The following NCAPD2 variants were observed in gnomAD, a reference collection of about 807,000 sequenced individuals.
The protein encoded by NCAPD2 is non-SMC condensin I complex subunit D2.
A neutral mutation model predicts 164.5 loss-of-function variants in NCAPD2; 100 were observed. The observed-to-expected ratio is 0.61, with a 90% confidence interval of 0.52 to 0.72. The LOEUF is 0.72. Ranked by LOEUF, NCAPD2 falls within the 30% of genes least tolerant of loss-of-function variation. The pLI is 0.00. For missense variants in NCAPD2, 1,560 were observed against 1,749.2 expected (o/e 0.89, Z 1.93); for synonymous variants, 585 against 642.6 (o/e 0.91, Z 1.36).
At position 6,513,715 on chromosome 12, in the gene NCAPD2, C is replaced by CTTTT. The variant is rs71067124; in HGVS notation, c.588-535_588-532dup. Reference sequence around the variant, plus strand: ...AATGAGAAGTCATTGGTGACTTTGTCTTTTTTTTTTTTTTTTTTGTGATGG... The same window carrying CTTTT: ...AATGAGAAGTCATTGGTGACTTTGTCTTTTTTTTTTTTTTTTTTTTTTGTGATGG... On this transcript the variant is annotated intron_variant, in intron 6 of 31. Coordinates refer to ENST00000315579, the MANE Select transcript of NCAPD2 (RefSeq NM_014865.4). Among the ~76,000 whole-genome samples the CTTTT allele has an allele frequency of 9.2e-4, 69 of 74,880 alleles. 9 individuals carry two copies. Among genetic ancestry groups the CTTTT allele is most frequent in the East Asian group, 3.4e-3 (12 of 3,558 alleles). 49.1% of individuals were successfully genotyped at this position (74,880 alleles called of 152,430 possible).
chr12:6,501,279 C>T (rs1309078565), intron 2 of NCAPD2, among the ~76,000 whole-genome samples: 3 of 135,980 alleles, frequency 2.2e-5, no homozygotes, highest in African/African-American at 8.1e-5. Context: ...CTCGCTCTCT[C>T]GCCCAGGCTG....
rs756609653 is a variant in NCAPD2 at position 6,517,432 on chromosome 12, T to C, written c.1253T>C (p.Val418Ala). Residue 418 changes from valine (V) to alanine (A), a missense_variant, in exon 11 of 32, where the codon GTG becomes GCG. By Grantham distance (64) the Val-to-Ala change is moderately conservative. Coordinates refer to ENST00000315579, the MANE Select transcript of NCAPD2 (RefSeq NM_014865.4). ...LAVGRLADKSVLVCKNAIQLL... is the reference protein window; with the variant it reads ...LAVGRLADKSALVCKNAIQLL... ...GTGGGACGTCTGGCAGACAAGTCAGTGCTAGTATGTAAAAATGCCATCCAG... is the reference window on the plus strand; with the variant it reads ...GTGGGACGTCTGGCAGACAAGTCAGCGCTAGTATGTAAAAATGCCATCCAG... 2 of 1,614,136 alleles carry C rather than the reference T, an allele frequency of 1.2e-6. No homozygotes were observed. Among genetic ancestry groups the C allele is most frequent in the African/African-American group, 1.3e-5 (1 of 74,934 alleles).
rs769809532 is a variant in NCAPD2 at position 6,511,096 on chromosome 12, A to G, written c.445-14A>G. ...CCCTTATTTTTTCCTCAATGTATAC[A>G]TGATCCTTTTTAGGGTAAGAAAGCT... On this transcript the variant is annotated splice_polypyrimidine_tract_variant and intron_variant, in intron 5 of 31. Coordinates refer to ENST00000315579, the MANE Select transcript of NCAPD2 (RefSeq NM_014865.4). The G allele has an allele frequency of 2.5e-6, 4 of 1,613,356 alleles. No homozygotes were observed. Among genetic ancestry groups the G allele is most frequent in the South Asian group, 2.2e-5 (2 of 90,976 alleles).
At chr12:6,501,319 C>T (rs575326825) in intron 2 of NCAPD2, among the ~76,000 whole-genome samples, 29 of 145,162 alleles carry the variant, frequency 2.0e-4, no homozygotes, top group African/African-American at 6.1e-4. Context: ...CGGTTCACTG[C>T]AAGCTCCGCC....
In NCAPD2 at chr12:6,529,578, G is replaced by A. The variant is rs932030786; in HGVS notation, c.3638G>A (p.Arg1213Gln). 5.6e-6 allele frequency: 9 copies of A among 1,614,074 alleles called. No individual in the cohort carries two copies. Among genetic ancestry groups the A allele is most frequent in the Admixed American group, 3.3e-5 (2 of 60,008 alleles). The stretch of plus-strand genomic sequence containing the variant: ...AGCCTGGTGGAAAAGCTGTGTCAGC[G>A]GTTCCGCACATCCCGGTATGCTGCC... Reference protein sequence around the residue: ...TESLVEKLCQRFRTSRTERQQ... With the variant: ...TESLVEKLCQQFRTSRTERQQ... The change falls in exon 28 of 32, where the codon CGG becomes CAG. Residue 1213 changes from arginine (R) to glutamine (Q), a missense_variant. Coordinates refer to ENST00000315579, the MANE Select transcript of NCAPD2 (RefSeq NM_014865.4).
Position 6,529,770 on chromosome 12 carries a change from T to A in NCAPD2, c.3654-5T>A, listed in dbSNP as rs375342909. On this transcript the variant is annotated splice_polypyrimidine_tract_variant and splice_region_variant and intron_variant, in intron 28 of 31. Transcript: ENST00000315579. Reference sequence around the variant, plus strand: ...AGTTCCTCACAAAGCCCTTCCTATCTGCAGAACTGAGCGGCAGCAGCGAGA... The same window carrying A: ...AGTTCCTCACAAAGCCCTTCCTATCAGCAGAACTGAGCGGCAGCAGCGAGA... The A allele has an allele frequency of 1.1e-4, 172 of 1,611,070 alleles. 1 individual carries two copies. The highest frequency in any genetic ancestry group is 9.5e-4 in the South Asian group (86 of 90,762).
rs1406487624 is a variant in NCAPD2, at chr12:6,529,940, G to C, written c.3819G>C (p.Gly1273=). Residue 1273 remains glycine, a synonymous_variant, in exon 29 of 32, where the codon GGG becomes GGC. Transcript: ENST00000315579. ...CAGTTGTAGGCAAGCTGCGACGTGG[G>C]GCCAAGCCTGAGGGCAAGGTGAGCA... The part of the protein sequence containing the change: ...FLSVVGKLRR[G]AKPEGKAIID... 4.3e-6 allele frequency: 7 copies of C among 1,613,718 alleles called. No individual in the cohort carries two copies. The East Asian group carries it at 1.3e-4, about 31-fold the overall frequency.
intron 2 of NCAPD2, among the ~76,000 whole-genome samples, chr12:6,495,466 G>A (rs1011106946): frequency 1.3e-5 from 2 of 152,182 alleles, no homozygotes; most frequent in Middle Eastern, 3.4e-3. Flanking sequence ...TACTCTTTGG[G>A]GAAAAGTTAT....
intron 2 of NCAPD2, among the ~76,000 whole-genome samples, chr12:6,495,581 GT>G (rs1945972157): frequency 2.6e-5 from 4 of 152,130 alleles, no homozygotes; most frequent in Admixed American, 2.6e-4. Context: ...AACTCGACCT[GT>G]TTTTGGTAAT....
rs2137055283 is a variant in NCAPD2 at position 6,521,093 on chromosome 12, T to C, written c.1697T>C (p.Leu566Ser). The C allele has an allele frequency of 1.2e-6, 2 of 1,614,148 alleles. No individual in the cohort carries two copies. Among genetic ancestry groups the C allele is most frequent in the East Asian group, 2.2e-5 (1 of 44,880 alleles). ...ESEETRLLNI[L>S]GLIFKGPAAS... The stretch of plus-strand genomic sequence containing the variant: ...GAGGAGACCAGGCTCTTGAATATCT[T>C]AGGACTTATCTTCAAAGGTAATCAT... Residue 566 changes from leucine (L) to serine (S), a missense_variant, in exon 14 of 32, where the codon TTA (leucine) becomes TCA (serine). Transcript: ENST00000315579.
chr12:6,514,907 A>T lies in NCAPD2; in HGVS notation c.974A>T (p.His325Leu). 1 of 1,614,196 alleles carries T rather than the reference A, an allele frequency of 6.2e-7. No homozygotes were observed. The highest frequency in any genetic ancestry group is 8.5e-7 in the Non-Finnish European group (1 of 1,180,034). Reference protein sequence around the residue: ...LMSSMCILLDHLDGENYMMRN... With the variant: ...LMSSMCILLDLLDGENYMMRN... ...TCCAGCATGTGCATTTTGCTAGATC[A>T]CCTGGATGGAGAAGTAGGTGGTCCA... Residue 325 changes from histidine (H) to leucine (L), a missense_variant, in exon 9 of 32, where the codon CAC becomes CTC. His to Leu is a moderately conservative substitution (Grantham distance 99). Transcript: ENST00000315579.
chr12:6,530,597 C>T (rs878865308), intron 29 of NCAPD2, 94 bp from the exon 30 acceptor site: 19 of 1,513,800 alleles, frequency 1.3e-5, no homozygotes, highest in Non-Finnish European at 1.6e-5. Context: ...TAGTAATGTG[C>T]GTTTAAGGCC....
chr12:6,503,133 G>A (rs926150101), intron 2 of NCAPD2, among the ~76,000 whole-genome samples: 1 of 151,462 alleles, frequency 6.6e-6, no homozygotes, highest in African/African-American at 2.4e-5. Flanking sequence ...GGGATTACAG[G>A]CGTGAGCCAC....
Position 6,517,373 on chromosome 12 carries a change from C to A in NCAPD2, c.1194C>A (p.Pro398=). ...FTRIVQQKAL[P]LTRFQAVVAL... is the part of the protein sequence containing the mutation. Reference sequence around the variant, plus strand: ...CTTCCTACCCTACACAGGCTCTCCCCCTGACACGTTTCCAGGCAGTGGTGG... The same window carrying A: ...CTTCCTACCCTACACAGGCTCTCCCACTGACACGTTTCCAGGCAGTGGTGG... Residue 398 remains proline (P), a synonymous_variant, in exon 11 of 32, where the codon CCC becomes CCA. Coordinates refer to ENST00000315579, the MANE Select transcript of NCAPD2 (RefSeq NM_014865.4). 3 of 1,614,058 alleles carry A rather than the reference C, an allele frequency of 1.9e-6. No individual in the cohort carries two copies. Among genetic ancestry groups the A allele is most frequent in the Non-Finnish European group, 2.5e-6 (3 of 1,179,978 alleles).
chr12:6,500,534 G>T (rs896372495), intron 2 of NCAPD2, among the ~76,000 whole-genome samples: 1 of 152,176 alleles, frequency 6.6e-6, no homozygotes, highest in Admixed American at 6.5e-5. Flanking sequence ...CTAGAATCTT[G>T]CTCCTCAAAA....
chr12:6,500,726 T>A (rs965555551), intron 2 of NCAPD2, among the ~76,000 whole-genome samples: 8 of 152,204 alleles, frequency 5.3e-5, no homozygotes, highest in African/African-American at 1.9e-4. Context: ...CTCTAGAGCC[T>A]CGTAGATCAT....
At chr12:6,526,713 G>A in intron 21 of NCAPD2, 98 bp downstream of exon 21, 1 of 1,485,114 alleles carries the variant, frequency 6.7e-7, no homozygotes, top group Middle Eastern at 2.5e-4. Context: ...ACAACCCTTA[G>A]TGTACACTGT....
chr12:6,507,734 A>G (rs1470927116), intron 2 of NCAPD2, among the ~76,000 whole-genome samples: 5 of 152,350 alleles, frequency 3.3e-5, no homozygotes, highest in Admixed American at 2.6e-4. Context: ...ATAAAGAAAT[A>G]GTAATAAAGG....
chr12:6,504,192 T>TAC (rs1184136393), intron 2 of NCAPD2, among the ~76,000 whole-genome samples: 1 of 32,268 alleles, frequency 3.1e-5, no homozygotes, highest in African/African-American at 3.8e-4. Flanking sequence ...CATATATATA[T>TAC]ATATATATAT....
Sources: allele counts gnomAD v4.1 joint callset (sites outside exome capture counted in the v4.1 genomes callset), GRCh38; gene constraint gnomAD v4.1.1; transcripts MANE v1.5; gene names NCBI Gene and HGNC (gene_info 2026-07-23, HGNC 2026-07-21).